Variants in CELF2 observed in about 807,000 individuals in gnomAD.
CELF2 encodes the protein CUGBP Elav-like family member 2, also known as CUG triplet repeat RNA-binding protein 2.
CELF2 carries 8 observed loss-of-function variants against 62.6 expected under a neutral mutation model. The observed-to-expected ratio is 0.13, with a 90% CI of 0.07 to 0.23. The LOEUF (loss-of-function observed/expected upper bound fraction) is 0.23, where lower values mean the gene tolerates loss of function less well. CELF2 is among the 10% of genes least tolerant of loss of function. CELF2 has a pLI of 1.00. For synonymous variants in CELF2, 258 were observed against 250.0 expected (o/e 1.03, Z -0.30); for missense variants, 333 against 671.0 (o/e 0.50, Z 5.56).
the CELF2 span, among the ~76,000 whole-genome samples, chr10:10,625,781 T>C: frequency 6.6e-6 from 1 of 152,214 alleles, no homozygotes; most frequent in East Asian, 1.9e-4. Flanking sequence ...AAGGGCCCCG[T>C]CCCGTGATCT....
the CELF2 span, among the ~76,000 whole-genome samples, chr10:10,526,818 A>G: frequency 1.3e-5 from 2 of 152,220 alleles, no homozygotes. Context: ...GGTCCTTTCT[A>G]CAGAACGTTG....
In CELF2 at chr10:11,332,448, C is replaced by A. The variant is rs2096045491; in HGVS notation, c.*3395C>A. 1 of 152,492 alleles carries A rather than the reference C, an allele frequency of 6.6e-6. No individual in the cohort carries two copies. Among genetic ancestry groups the A allele is most frequent in the African/African-American group, 2.4e-5 (1 of 41,418 alleles). 9.4% of individuals were successfully genotyped at this position (152,492 alleles called of 1,614,324 possible). On this transcript the variant is annotated 3_prime_UTR_variant, in exon 13 of 13. Coordinates refer to ENST00000633077, the MANE Select transcript of CELF2 (RefSeq NM_001326342.2). Reference sequence around the variant, plus strand: ...AGCCTTTTTGGTTTTTTTAATTGAACACATTTCATCTAAGTAAAGCTCAGT... The same window carrying A: ...AGCCTTTTTGGTTTTTTTAATTGAAAACATTTCATCTAAGTAAAGCTCAGT...
chr10:11,136,572 C>T (rs2060469749), intron 1 of CELF2, among the ~76,000 whole-genome samples: 1 of 152,028 alleles, frequency 6.6e-6, no homozygotes, highest in African/African-American at 2.4e-5. Context: ...CCACTGCATT[C>T]CAGCCTGGGC....
At position 11,211,813 on chromosome 10, in the gene CELF2, A is replaced by C. The variant is rs4750027; in HGVS notation, c.272-5612A>C. 1.1e-5 allele frequency among the ~76,000 whole-genome samples: 1 copy of C among 89,256 alleles called. No individual in the cohort carries two copies. Among genetic ancestry groups the C allele is most frequent in the African/African-American group, 4.7e-5 (1 of 21,122 alleles). 58.6% of individuals were successfully genotyped at this position (89,256 alleles called of 152,430 possible). ...GTGTGAGAGAGAGAGAGAGAGAGAG[A>C]GTGTGTGTGTGTGTGTGTGTGTGTG... On this transcript the variant is annotated intron_variant, in intron 2 of 12. Coordinates refer to ENST00000633077, the MANE Select transcript of CELF2 (RefSeq NM_001326342.2). This position sits in a 1 kb window ranked among gnomAD's most constrained non-coding sequence, Gnocchi z 4.8.
chr10:10,748,714 C>G, the CELF2 span, among the ~76,000 whole-genome samples: 1 of 141,032 alleles, frequency 7.1e-6, no homozygotes, highest in African/African-American at 2.7e-5. Context: ...TGCCACTACA[C>G]TCCATCCTGG....
At chr10:11,099,633 T>A (rs1047719837) in intron 1 of CELF2, among the ~76,000 whole-genome samples, 1 of 152,196 alleles carries the variant, frequency 6.6e-6, no homozygotes, top group African/African-American at 2.4e-5. Flanking sequence ...TTTACAGAAA[T>A]TTTTGTAGTC....
intron 1 of CELF2, among the ~76,000 whole-genome samples, chr10:11,148,859 C>T (rs2062760905): frequency 1.3e-5 from 2 of 151,918 alleles, no homozygotes; most frequent in Admixed American, 1.3e-4. Flanking sequence ...CACACACACA[C>T]ACACACACAC....
At chr10:10,576,025 G>T in the CELF2 span, among the ~76,000 whole-genome samples, 1 of 152,192 alleles carries the variant, frequency 6.6e-6, no homozygotes, top group Non-Finnish European at 1.5e-5. Flanking sequence ...TAACATAAAA[G>T]GTTTTGCATT....
chr10:11,190,729 A>G (rs963235732), intron 2 of CELF2, among the ~76,000 whole-genome samples: 2 of 151,414 alleles, frequency 1.3e-5, no homozygotes, highest in Admixed American at 6.6e-5. Flanking sequence ...GAAAGCTCAA[A>G]ACTAAATTTT....
At chr10:10,991,117 G>A (rs376334016) in intron 2 of CELF2, among the ~76,000 whole-genome samples, 30 of 152,028 alleles carry the variant, frequency 2.0e-4, no homozygotes, top group African/African-American at 7.0e-4. Context: ...ATAAAACAGC[G>A]GCTTTAATCT....
Position 10,951,439 on chromosome 10 carries a change from T to C in CELF2, c.89+31440T>C, listed in dbSNP as rs576745926. ...GTCATGAGTTACTACACCTGGCCCTTCTCCAACACAAAAAAAAGATTTTTA... is the reference window on the plus strand; with the variant it reads ...GTCATGAGTTACTACACCTGGCCCTCCTCCAACACAAAAAAAAGATTTTTA... On this transcript the variant is annotated intron_variant, in intron 2 of 13. Transcript: ENST00000636488. Among the ~76,000 whole-genome samples, 3 of 152,212 alleles carry C rather than the reference T, an allele frequency of 2.0e-5. No individual in the cohort carries two copies. The East Asian group carries it at 5.8e-4, about 29-fold the overall frequency.
chr10:10,806,135 A>G (rs563842617), intron 1 of CELF2, among the ~76,000 whole-genome samples: 1 of 151,964 alleles, frequency 6.6e-6, no homozygotes, highest in Admixed American at 6.5e-5. Context: ...ATCATGGTGT[A>G]GACATTAATG....
chr10:10,723,284 A>G, the CELF2 span, among the ~76,000 whole-genome samples: 1 of 152,228 alleles, frequency 6.6e-6, no homozygotes, highest in Non-Finnish European at 1.5e-5. Context: ...GTAAACGTCA[A>G]CTATGTCTTG....
At chr10:10,792,279 T>A in the CELF2 span, 1 of 397,112 alleles carries the variant, frequency 2.5e-6, no homozygotes, top group East Asian at 3.6e-5. Flanking sequence ...TTTAGATCTG[T>A]CTTCAAGTGA....
the CELF2 span, among the ~76,000 whole-genome samples, chr10:10,593,750 T>C: frequency 6.6e-6 from 1 of 152,210 alleles, no homozygotes; most frequent in Admixed American, 6.5e-5. Flanking sequence ...AAATAAATCA[T>C]TGATTCTGTA....
At chr10:10,713,755 C>T in the CELF2 span, among the ~76,000 whole-genome samples, 7 of 152,162 alleles carry the variant, frequency 4.6e-5, no homozygotes, top group Admixed American at 2.6e-4. Flanking sequence ...TGGGGATAGG[C>T]CGGGCACGGT....
chr10:10,590,160 T>TGTGCAC, the CELF2 span, among the ~76,000 whole-genome samples: 1 of 151,192 alleles, frequency 6.6e-6, no homozygotes, highest in African/African-American at 2.4e-5. Flanking sequence ...CACATGTGCA[T>TGTGCAC]GCACACACAC....
chr10:11,163,042 A>T (rs1458518830), intron 1 of CELF2, among the ~76,000 whole-genome samples: 1 of 152,218 alleles, frequency 6.6e-6, no homozygotes, highest in Admixed American at 6.5e-5. Context: ...CACCAGCCAC[A>T]TACAGGCCAG....
chr10:10,544,555 A>G, the CELF2 span, among the ~76,000 whole-genome samples: 1 of 152,386 alleles, frequency 6.6e-6, no homozygotes, highest in African/African-American at 2.4e-5. Context: ...AAGTAAAAAT[A>G]TTCCATGTAT....
Sources: gnomAD v4.1 joint callset for allele counts (sites outside exome capture counted in the v4.1 genomes callset) on GRCh38, gnomAD v4.1.1 for gene constraint, Gnocchi (gnomAD v3.1) non-coding constraint, MANE v1.5 for transcripts, NCBI Gene and HGNC (gene_info 2026-07-23, HGNC 2026-07-21) for gene names.